Variants in THSD4 observed in about 807,000 individuals in gnomAD.
The protein encoded by THSD4 is thrombospondin type 1 domain containing 4, also known as thrombospondin type-1 domain-containing protein 4.
A neutral mutation model predicts 119.0 loss-of-function variants in THSD4; 69 were observed. The observed-to-expected ratio is 0.58, with a 90% CI of 0.48 to 0.71. The LOEUF is 0.71. THSD4 is among the 30% of genes least tolerant of loss of function. THSD4 has a pLI of 0.00. For synonymous variants in THSD4, 524 were observed against 540.4 expected (o/e 0.97, Z 0.42); for missense variants, 1,393 against 1,391.1 (o/e 1.00, Z -0.02).
At chr15:71,704,857 C>G (rs1289762157) in intron 8 of THSD4, among the ~76,000 whole-genome samples, 2 of 152,172 alleles carry the variant, frequency 1.3e-5, no homozygotes. Context: ...CGTGCAGACA[C>G]GGCAAGCCTT....
intron 6 of THSD4, among the ~76,000 whole-genome samples, chr15:71,310,184 G>A (rs2045092668): frequency 6.6e-6 from 1 of 152,018 alleles, no homozygotes; most frequent in Admixed American, 6.6e-5. Flanking sequence ...CTTTTAGCAT[G>A]TTTTCATTTT....
intron 7 of THSD4, among the ~76,000 whole-genome samples, chr15:71,532,172 G>A (rs2048618349): frequency 6.6e-6 from 1 of 151,930 alleles, no homozygotes; most frequent in African/African-American, 2.4e-5. Flanking sequence ...TATAGCCTTG[G>A]CCTAGAGGGA....
At chr15:71,776,361 A>G (rs1265019285) in intron 17 of THSD4, among the ~76,000 whole-genome samples, 1 of 152,238 alleles carries the variant, frequency 6.6e-6, no homozygotes, top group Non-Finnish European at 1.5e-5. Flanking sequence ...AGATATAAAG[A>G]ATTTTCGTGA....
chr15:71,529,868 A>G (rs1183702745), intron 7 of THSD4, among the ~76,000 whole-genome samples: 1 of 152,194 alleles, frequency 6.6e-6, no homozygotes. Context: ...CTAATGCCTG[A>G]CGTAATAAAT....
At chr15:71,520,941 G>A (rs2048431214) in intron 7 of THSD4, among the ~76,000 whole-genome samples, 1 of 152,186 alleles carries the variant, frequency 6.6e-6, no homozygotes, top group African/African-American at 2.4e-5. Context: ...ATGAGTGATT[G>A]TAGCAACACA....
At chr15:71,754,472 AACAAAC>A (rs2053503655) in intron 14 of THSD4, among the ~76,000 whole-genome samples, 2 of 147,412 alleles carry the variant, frequency 1.4e-5, no homozygotes, top group Admixed American at 1.3e-4. Flanking sequence ...GGCTGAAACA[AACAAAC>A]AAACAAACAA....
intron 6 of THSD4, among the ~76,000 whole-genome samples, chr15:71,267,265 T>C (rs1026204761): frequency 5.9e-5 from 9 of 152,234 alleles, no homozygotes; most frequent in African/African-American, 2.2e-4. Context: ...CGGATCTTTC[T>C]GCAGAAACCC....
At chr15:71,760,059 C>T (rs2053604649) in intron 15 of THSD4, among the ~76,000 whole-genome samples, 1 of 152,174 alleles carries the variant, frequency 6.6e-6, no homozygotes, top group Non-Finnish European at 1.5e-5. Context: ...TAAACATTAA[C>T]TGGCTTCAGA....
At chr15:71,382,815 T>C (rs750492699) in intron 6 of THSD4, among the ~76,000 whole-genome samples, 11 of 152,224 alleles carry the variant, frequency 7.2e-5, no homozygotes, top group Non-Finnish European at 1.6e-4. Flanking sequence ...TAGACCCAAA[T>C]ATATTTAGCT....
chr15:71,181,058 A>G (rs555124226), intron 3 of THSD4, among the ~76,000 whole-genome samples: 1 of 152,314 alleles, frequency 6.6e-6, no homozygotes, highest in Admixed American at 6.5e-5. Context: ...CCAGAAAACA[A>G]AGATGCTCTT....
intron 3 of THSD4, among the ~76,000 whole-genome samples, chr15:71,204,966 A>G (rs1424060963): frequency 1.3e-5 from 2 of 152,142 alleles, no homozygotes; most frequent in Non-Finnish European, 2.9e-5. Flanking sequence ...GTAGCAGCCT[A>G]TGAGCTCAGT....
rs372334306 is a variant in THSD4 at position 71,411,735 on chromosome 15, G to A, written c.1064G>A (p.Arg355His). ...TTGAACTGCCAGGCAATGGGCTACCGCTTCTATGTACGGCAAGCTGAGAAA... is the reference window on the plus strand; with the variant it reads ...TTGAACTGCCAGGCAATGGGCTACCACTTCTATGTACGGCAAGCTGAGAAA... ...CELNCQAMGY[R>H]FYVRQAEKVI... The change falls in exon 7 of 18, where the codon CGC (arginine) becomes CAC (histidine). Residue 355 changes from arginine (R) to histidine (H), a missense_variant. Arg to His is a conservative substitution (Grantham distance 29, BLOSUM62 0). Transcript: ENST00000261862. 5.1e-5 allele frequency: 83 copies of A among 1,613,962 alleles called. No individual in the cohort carries two copies. In the East Asian group the frequency reaches 7.1e-4, roughly 14 times the overall value.
rs374774666 is a variant in THSD4 at position 71,699,403 on chromosome 15, C to T, written c.1358-29146C>T. 1.0e-3 allele frequency among the ~76,000 whole-genome samples: 65 copies of T among 62,906 alleles called. 14 individuals carry two copies. The South Asian group carries it at 0.021, about 20-fold the overall frequency. The allele number at this position is 62,906 out of a possible 152,430, so 41.3% of individuals were successfully genotyped here. On this transcript the variant is annotated intron_variant, in intron 8 of 17. Coordinates refer to ENST00000261862, the MANE Select transcript of THSD4 (RefSeq NM_024817.3). ...AATTTTTTTGTATTTTTAGTAGAGA[C>T]GGGGTTTCACCGTTTTAGCCGGGAT...
At chr15:71,528,747 A>T (rs1200536085) in intron 7 of THSD4, among the ~76,000 whole-genome samples, 1 of 152,220 alleles carries the variant, frequency 6.6e-6, no homozygotes, top group Non-Finnish European at 1.5e-5. Context: ...TCTTTCACAG[A>T]TTCATCAGAT....
At chr15:71,346,581 T>G (rs1481079716) in intron 6 of THSD4, among the ~76,000 whole-genome samples, 1 of 152,172 alleles carries the variant, frequency 6.6e-6, no homozygotes, top group Non-Finnish European at 1.5e-5. Flanking sequence ...CAAGCTTGTA[T>G]TTTACCAGTC....
intron 7 of THSD4, among the ~76,000 whole-genome samples, chr15:71,434,861 AT>A (rs2046990912): frequency 6.6e-6 from 1 of 152,092 alleles, no homozygotes; most frequent in South Asian, 2.1e-4. Context: ...TGGGTTTTTA[AT>A]TTTTTAAAAA....
chr15:71,287,001 G>T lies in THSD4; in HGVS notation c.1015+30286G>T, dbSNP rs139518268. Reference sequence around the variant, plus strand: ...CTGATGTGGGGTTATTCCGAATTTTGCCTATTATCGTTCACATTTTTGGTC... The same window carrying T: ...CTGATGTGGGGTTATTCCGAATTTTTCCTATTATCGTTCACATTTTTGGTC... On this transcript the variant is annotated intron_variant, in intron 6 of 17. Coordinates refer to ENST00000261862, the MANE Select transcript of THSD4 (RefSeq NM_024817.3). Among the ~76,000 whole-genome samples the T allele has an allele frequency of 7.7e-4, 117 of 152,224 alleles. 2 individuals are homozygous for T. The highest frequency in any genetic ancestry group is 2.5e-3 in the African/African-American group (103 of 41,540).
In THSD4 at chr15:71,252,972, G is replaced by A. The variant is rs148543717; in HGVS notation, c.913-3641G>A. On this transcript the variant is annotated intron_variant, in intron 5 of 17. Coordinates refer to ENST00000261862, the MANE Select transcript of THSD4 (RefSeq NM_024817.3). Reference sequence around the variant, plus strand: ...CCACTTCCACGTCCGGGCCCAAGAAGCCTTGCATTTCTCTGGCCACATCCC... The same window carrying A: ...CCACTTCCACGTCCGGGCCCAAGAAACCTTGCATTTCTCTGGCCACATCCC... Among the ~76,000 whole-genome samples the A allele has an allele frequency of 1.2e-3, 183 of 152,252 alleles. 1 individual carries two copies. Among genetic ancestry groups the A allele is most frequent in the Middle Eastern group, 3.4e-3 (1 of 294 alleles).
intron 13 of THSD4, among the ~76,000 whole-genome samples, 172 bp downstream of exon 13, chr15:71,747,214 A>G (rs1176215791): frequency 1.3e-5 from 2 of 152,092 alleles, no homozygotes; most frequent in Non-Finnish European, 2.9e-5. Context: ...CAATAGTTCA[A>G]TAGAGTTCAG....
Sources: gnomAD v4.1 joint callset for allele counts (sites outside exome capture counted in the v4.1 genomes callset) on GRCh38, gnomAD v4.1.1 for gene constraint, MANE v1.5 for transcripts, NCBI Gene and HGNC (gene_info 2026-07-23, HGNC 2026-07-21) for gene names.